Variants in NPL observed in about 807,000 individuals in gnomAD.
The protein encoded by NPL is N-acetylneuraminate pyruvate lyase.
In NPL, 32 loss-of-function variants were observed where a neutral mutation model predicts 41.1. The observed-to-expected ratio is 0.78, with a 90% CI of 0.59 to 1.05. NPL has a LOEUF of 1.05. NPL is among the 50% of genes least tolerant of loss of function. The pLI is 0.00. For missense variants in NPL, 321 were observed against 378.4 expected (o/e 0.85, Z 1.26); for synonymous variants, 128 against 134.9 (o/e 0.95, Z 0.35).
At chr1:182,806,550 G>C in intron 5 of NPL, 1 of 1,535,506 alleles carries the variant, frequency 6.5e-7, no homozygotes, top group Non-Finnish European at 8.7e-7. Context: ...GGAGGGTGGT[G>C]ACGGACTCTG....
At chr1:182,796,663 T>C (rs1666676121) in intron 3 of NPL, among the ~76,000 whole-genome samples, 2 of 152,282 alleles carry the variant, frequency 1.3e-5, no homozygotes, top group South Asian at 4.1e-4. Context: ...AAGTAGATCT[T>C]AGTGAAATGA....
intron 7 of NPL, among the ~76,000 whole-genome samples, chr1:182,816,029 G>A (rs955084458): frequency 7.2e-5 from 11 of 152,112 alleles, no homozygotes; most frequent in Non-Finnish European, 1.2e-4. Context: ...AATACACATC[G>A]TAACAGTATT....
intron 5 of NPL, chr1:182,806,650 C>T: frequency 8.5e-7 from 1 of 1,179,234 alleles, no homozygotes; most frequent in Non-Finnish European, 1.2e-6. Context: ...CTTCTCCTGA[C>T]AGGTCTCTGT....
intron 1 of NPL, among the ~76,000 whole-genome samples, chr1:182,790,040 G>T (rs1324491559): frequency 6.6e-6 from 1 of 152,204 alleles, no homozygotes; most frequent in Non-Finnish European, 1.5e-5. Flanking sequence ...ATTGTTTGCA[G>T]ACAGCATATC....
chr1:182,816,689 A>G, intron 7 of NPL, 25 bp from the exon 8 acceptor site: 1 of 1,555,480 alleles, frequency 6.4e-7, no homozygotes, highest in Non-Finnish European at 8.9e-7. Context: ...TGTTCACACC[A>G]TGACTGTTCC....
rs1005481946 is a variant in NPL, at chr1:182,797,188, A to G, written c.68+2749A>G. On this transcript the variant is annotated intron_variant, in intron 3 of 12. Coordinates refer to ENST00000367553, the MANE Select transcript of NPL (RefSeq NM_030769.3). ...TTAAATAAGAATGTATAAAGTACCT[A>G]TAATTCCAGTCCATCGTCCACACTG... Among the ~76,000 whole-genome samples the G allele has an allele frequency of 2.6e-5, 4 of 152,212 alleles. No homozygotes were observed. In the South Asian group the frequency reaches 6.2e-4, roughly 24 times the overall value.
rs76726501 is a variant in NPL, at chr1:182,824,182, T to A, written c.739-1599T>A. On this transcript the variant is annotated intron_variant, in intron 11 of 12. Transcript: ENST00000367553. ...AAGATAAAAACAGCCCAAATATTCATCCATAAGGCAATGGTTAAATACATT... is the reference window on the plus strand; with the variant it reads ...AAGATAAAAACAGCCCAAATATTCAACCATAAGGCAATGGTTAAATACATT... Among the ~76,000 whole-genome samples, 459 of 152,358 alleles carry A rather than the reference T, an allele frequency of 3.0e-3. 2 individuals are homozygous for A. Among genetic ancestry groups the A allele is most frequent in the African/African-American group, 0.01 (435 of 41,580 alleles).
chr1:182,826,207 C>G (rs1324740285), intron 12 of NPL: 1 of 265,434 alleles, frequency 3.8e-6, no homozygotes, highest in Non-Finnish European at 7.3e-6. Context: ...ACAGCTCTCC[C>G]AAGAGTATTT....
At chr1:182,809,501 C>T (rs1374058774) in intron 5 of NPL, among the ~76,000 whole-genome samples, 1 of 150,370 alleles carries the variant, frequency 6.7e-6, no homozygotes, top group Admixed American at 6.6e-5. Flanking sequence ...GATTGCACCA[C>T]TGCACTCTAG....
chr1:182,822,307 CTTCT>C, intron 11 of NPL, 108 bp downstream of exon 11: 1 of 766,314 alleles, frequency 1.3e-6, no homozygotes, highest in Non-Finnish European at 2.3e-6. Context: ...TGCCCAGCCA[CTTCT>C]TTCTTTACCT....
At chr1:182,826,705 G>A (rs1187926987) in intron 12 of NPL, 2 of 152,176 alleles carry the variant, frequency 1.3e-5, no homozygotes, top group African/African-American at 4.8e-5. Context: ...TCACAAAATT[G>A]TGGGTTTGGT....
chr1:182,812,325 A>G (rs867624939), intron 6 of NPL, 112 bp downstream of exon 6: 1 of 935,456 alleles, frequency 1.1e-6, no homozygotes, highest in Middle Eastern at 2.2e-4. Context: ...CTGAAGAAAT[A>G]AGGTGTGGGA....
intron 3 of NPL, among the ~76,000 whole-genome samples, chr1:182,797,145 A>T (rs1421083997): frequency 2.0e-5 from 3 of 151,850 alleles, no homozygotes; most frequent in Non-Finnish European, 4.4e-5. Flanking sequence ...GTCATTGGGG[A>T]TATTGTGGGG....
chr1:182,811,977 C>G (rs994834669), intron 5 of NPL, among the ~76,000 whole-genome samples, 179 bp from the exon 6 acceptor site: 1 of 152,116 alleles, frequency 6.6e-6, no homozygotes, highest in Non-Finnish European at 1.5e-5. Context: ...TATCAATGAC[C>G]TAGGTTAAAA....
chr1:182,797,729 C>G (rs1411511493), intron 3 of NPL, among the ~76,000 whole-genome samples: 3 of 152,200 alleles, frequency 2.0e-5, no homozygotes, highest in African/African-American at 7.2e-5. Context: ...CCCCTGTGAT[C>G]CCATAGCACC....
intron 7 of NPL, among the ~76,000 whole-genome samples, chr1:182,815,687 T>G (rs1437815460): frequency 6.6e-6 from 1 of 152,204 alleles, no homozygotes; most frequent in Non-Finnish European, 1.5e-5. Flanking sequence ...CACTGCAGCC[T>G]CAAACTCCTG....
intron 12 of NPL, chr1:182,826,098 A>G (rs932679922): frequency 1.9e-6 from 1 of 520,862 alleles, no homozygotes; most frequent in Admixed American, 3.2e-5. Flanking sequence ...TACTTGCTTC[A>G]GCTCATTAAA....
intron 5 of NPL, among the ~76,000 whole-genome samples, chr1:182,809,591 T>G (rs1347337406): frequency 6.6e-6 from 1 of 150,616 alleles, no homozygotes; most frequent in Non-Finnish European, 1.5e-5. Context: ...AATGGTGATA[T>G]AGCCCCACAC....
At chr1:182,825,979 A>G in intron 12 of NPL, 159 bp downstream of exon 12, 2 of 717,524 alleles carry the variant, frequency 2.8e-6, no homozygotes, top group South Asian at 1.5e-5. Flanking sequence ...ACCATATAAA[A>G]CTGTGAAGTA....
Sources: allele counts gnomAD v4.1 joint callset (sites outside exome capture counted in the v4.1 genomes callset), GRCh38; gene constraint gnomAD v4.1.1; transcripts MANE v1.5; gene names NCBI Gene and HGNC (gene_info 2026-07-23, HGNC 2026-07-21).